The following CD109 variants were observed in gnomAD, a reference collection of about 807,000 sequenced individuals.
CD109 encodes the protein CD109 antigen.
In CD109, 149 loss-of-function variants were observed where a neutral mutation model predicts 165.8. That is an observed-to-expected ratio of 0.90 (90% CI 0.79 to 1.03). The LOEUF is 1.03. Among genes scored for constraint, CD109 ranks in the 50% least tolerant of loss-of-function variants. The pLI, the probability that CD109 is intolerant of heterozygous loss-of-function variation, is 0.00. For missense variants in CD109, 1,712 were observed against 1,677.8 expected (o/e 1.02, Z -0.36); for synonymous variants, 585 against 592.1 (o/e 0.99, Z 0.18).
intron 5 of CD109, among the ~76,000 whole-genome samples, chr6:73,744,443 T>C (rs1772904716): frequency 6.6e-6 from 1 of 152,192 alleles, no homozygotes; most frequent in African/African-American, 2.4e-5. Context: ...ATTTTGAGAA[T>C]ATATATGGTT....
At chr6:73,709,289 T>G (rs1254274364) in intron 2 of CD109, among the ~76,000 whole-genome samples, 1 of 152,218 alleles carries the variant, frequency 6.6e-6, no homozygotes, top group Non-Finnish European at 1.5e-5. Flanking sequence ...TGTGTCAGGT[T>G]TGTCAAAGAT....
At chr6:73,720,858 T>A (rs905218160) in intron 2 of CD109, among the ~76,000 whole-genome samples, 3 of 152,210 alleles carry the variant, frequency 2.0e-5, no homozygotes, top group African/African-American at 7.2e-5. Context: ...GCTACTGCTG[T>A]CTTTCTGGCT....
chr6:73,756,585 G>A (rs1773399885), intron 5 of CD109, 58 bp from the exon 6 acceptor site: 3 of 1,184,734 alleles, frequency 2.5e-6, no homozygotes, highest in Middle Eastern at 3.8e-4. Flanking sequence ...AAGTAAGCAA[G>A]CAAAATAAAT....
At chr6:73,818,303 G>T in intron 30 of CD109, 85 bp from the exon 31 acceptor site, 14 of 1,387,118 alleles carry the variant, frequency 1.0e-5, no homozygotes, top group Non-Finnish European at 1.3e-5. Context: ...ACATTTGGTG[G>T]GTTTGATTTT....
At chr6:73,761,014 AACACACACACACACACACACACACACAC>A (rs577598100) in intron 7 of CD109, among the ~76,000 whole-genome samples, 19 of 124,404 alleles carry the variant, frequency 1.5e-4, no homozygotes, top group Admixed American at 6.6e-4. Context: ...ACTGTGTCTA[AACACACACACACACACACACACACACAC>A]ACACACACAC....
chr6:73,804,604 G>A (rs1775500301), intron 24 of CD109, among the ~76,000 whole-genome samples: 1 of 152,172 alleles, frequency 6.6e-6, no homozygotes. Flanking sequence ...TTGGCTTGAG[G>A]GCCAGATTTG....
chr6:73,787,298 C>T lies in CD109; in HGVS notation c.2402C>T (p.Ala801Val), dbSNP rs112339442. 72 of 1,613,872 alleles carry T rather than the reference C, an allele frequency of 4.5e-5. No individual in the cohort carries two copies. In the African/African-American group the frequency reaches 8.4e-4, roughly 19 times the overall value. ...CTAATGACTTCAAATGAAATAAATG[C>T]CACAGGCCACCAGCAGACCCTTCTG... is the stretch of plus-strand genomic sequence containing the variant. ...DILMTSNEIN[A>V]TGHQQTLLVP... Residue 801 changes from alanine to valine, a missense_variant, in exon 21 of 33, where the codon GCC becomes GTC. By Grantham distance (64) the Ala-to-Val change is moderately conservative. Transcript: ENST00000287097.
At chr6:73,808,770 A>G (rs183219737) in intron 26 of CD109, among the ~76,000 whole-genome samples, 26 of 151,454 alleles carry the variant, frequency 1.7e-4, no homozygotes, top group African/African-American at 6.3e-4. Context: ...TAAGTGGATT[A>G]TGTGTATTTT....
upstream of CD109, among the ~76,000 whole-genome samples, chr6:73,692,073 C>T (rs1397786812): frequency 1.3e-5 from 2 of 151,970 alleles, no homozygotes; most frequent in Non-Finnish European, 2.9e-5. Context: ...TTTTAAACAA[C>T]CAGATCTCAT....
At chr6:73,734,040 G>A (rs1772461736) in intron 4 of CD109, among the ~76,000 whole-genome samples, 1 of 152,178 alleles carries the variant, frequency 6.6e-6, no homozygotes, top group Admixed American at 6.5e-5. Flanking sequence ...TACTGTACAT[G>A]GCTGTGTCGT....
Position 73,804,762 on chromosome 6 carries a change from G to A in CD109, c.2960+1461G>A, listed in dbSNP as rs59555692. Among the ~76,000 whole-genome samples, 302 of 152,336 alleles carry A rather than the reference G, an allele frequency of 2.0e-3. 5 individuals carry two copies. The East Asian group carries it at 0.05, about 25-fold the overall frequency. ...CCACAGCTTTGGGGCTGACTGAAGC[G>A]TGTTGGAGCTCTTCTTTGGTAAATA... On this transcript the variant is annotated intron_variant, in intron 24 of 32. Coordinates refer to ENST00000287097, the MANE Select transcript of CD109 (RefSeq NM_133493.5).
chr6:73,766,150 T>G lies in CD109; in HGVS notation c.1328T>G (p.Leu443Trp). 1 of 1,612,848 alleles carries G rather than the reference T, an allele frequency of 6.2e-7. No individual in the cohort carries two copies. Among genetic ancestry groups the G allele is most frequent in the South Asian group, 1.1e-5 (1 of 91,046 alleles). ...CTGGAGGATTCCAGTGAGCTACAGT[T>G]GAAGGTGCCGTCTGTTTCCCATCAT... ...PILEDSSELQ[L>W]KAYFLGSKSS... is the part of the protein sequence containing the mutation. The change falls in exon 11 of 33, where the codon TTG (leucine) becomes TGG (tryptophan). Residue 443 changes from leucine to tryptophan, a missense_variant. Leu to Trp is a moderately conservative substitution (Grantham distance 61, BLOSUM62 -2). Transcript: ENST00000287097.
chr6:73,750,621 G>T (rs1208121262), intron 5 of CD109, among the ~76,000 whole-genome samples: 1 of 152,166 alleles, frequency 6.6e-6, no homozygotes, highest in Admixed American at 6.5e-5. Context: ...TGTAATGTAG[G>T]GTAATGTATA....
chr6:73,779,662 T>C (rs1340128358), intron 15 of CD109, among the ~76,000 whole-genome samples: 1 of 152,222 alleles, frequency 6.6e-6, no homozygotes, highest in Non-Finnish European at 1.5e-5. Flanking sequence ...TTTTGGCTAC[T>C]GTAACTATTG....
intron 5 of CD109, among the ~76,000 whole-genome samples, chr6:73,752,918 A>G (rs988952201): frequency 1.3e-5 from 2 of 152,182 alleles, no homozygotes; most frequent in Admixed American, 1.3e-4. Context: ...CATAAGAGAA[A>G]CTTGTACTTC....
At chr6:73,810,957 A>G (rs1775734408) in intron 27 of CD109, 35 bp from the exon 28 acceptor site, 2 of 1,592,500 alleles carry the variant, frequency 1.3e-6, no homozygotes, top group African/African-American at 1.4e-5. Context: ...CTTGATATAT[A>G]CTTATATGTA....
At chr6:73,750,276 T>TTA (rs1349393946) in intron 5 of CD109, among the ~76,000 whole-genome samples, 1 of 151,872 alleles carries the variant, frequency 6.6e-6, no homozygotes, top group Non-Finnish European at 1.5e-5. Flanking sequence ...TTTGGGTGAG[T>TTA]GGTATGAGCT....
chr6:73,696,162 G>T, upstream of CD109: 1 of 1,517,094 alleles, frequency 6.6e-7, no homozygotes, highest in Non-Finnish European at 8.9e-7. Context: ...CACACCCCAC[G>T]GTGCCCGCGA....
intron 14 of CD109, among the ~76,000 whole-genome samples, chr6:73,770,865 T>C (rs1403728548): frequency 6.6e-6 from 1 of 152,194 alleles, no homozygotes; most frequent in Non-Finnish European, 1.5e-5. Flanking sequence ...AGGACCATGC[T>C]TTCCTGAGGG....
Sources: gnomAD v4.1 joint callset for allele counts (sites outside exome capture counted in the v4.1 genomes callset) on GRCh38, gnomAD v4.1.1 for gene constraint, MANE v1.5 for transcripts, NCBI Gene and HGNC (gene_info 2026-07-23, HGNC 2026-07-21) for gene names.